The following MAP4 variants were observed in gnomAD, a reference collection of about 807,000 sequenced individuals.
The protein encoded by MAP4 is microtubule associated protein 4, also known as microtubule-associated protein 4.
MAP4 carries 76 observed loss-of-function variants against 170.2 expected under a neutral mutation model. The ratio of observed to expected loss-of-function variants is 0.45; its 90% CI spans 0.37 to 0.54. The LOEUF is 0.54. MAP4 is among the 20% of genes least tolerant of loss of function. The pLI, the probability that MAP4 is intolerant of heterozygous loss-of-function variation, is 0.00. For missense variants in MAP4, 2,506 were observed against 2,748.0 expected (o/e 0.91, Z 1.97); for synonymous variants, 909 against 994.5 (o/e 0.91, Z 1.62).
Position 47,916,713 on chromosome 3 carries a change from G to A in MAP4, c.1114C>T (p.Pro372Ser). 2 of 1,613,798 alleles carry A rather than the reference G, an allele frequency of 1.2e-6. No homozygotes were observed. Among genetic ancestry groups the A allele is most frequent in the Non-Finnish European group, 1.7e-6 (2 of 1,179,976 alleles). ...GTTTCTTTCTTGTTTTCTTTGGGTG[G>A]TCCCATGTCCTTGGAAGGGGCTAAG... The part of the protein sequence containing the change: ...MDLAPSKDMG[P>S]PKENKKETER... Residue 372 changes from proline to serine, a missense_variant, in exon 7 of 21, where the codon CCA becomes TCA. This residue lies in a region of MAP4 where 2,008 missense variants were observed against 2,206.0 expected (regional missense o/e 0.91). Transcript: ENST00000683076.
In MAP4 at chr3:47,916,415, T is replaced by C; in HGVS notation, c.1412A>G (p.Glu471Gly). ...TKDKALPLEA[E>G]VAPVKDMAQL... is the part of the protein sequence containing the mutation. ...AGCCATGTCCTTGACTGGGGCCACCTCTGCTTCTAAAGGTAGTGCTTTATC... is the reference window on the plus strand; with the variant it reads ...AGCCATGTCCTTGACTGGGGCCACCCCTGCTTCTAAAGGTAGTGCTTTATC... The change falls in exon 7 of 21, where the codon GAG becomes GGG. Residue 471 changes from glutamate to glycine, a missense_variant. By Grantham distance (98) the Glu-to-Gly change is moderately conservative (BLOSUM62 -2). Coordinates refer to ENST00000683076, the MANE Select transcript of MAP4 (RefSeq NM_001385682.1). 1 of 1,614,236 alleles carries C rather than the reference T, an allele frequency of 6.2e-7. No individual in the cohort carries two copies. Among genetic ancestry groups the C allele is most frequent in the Non-Finnish European group, 8.5e-7 (1 of 1,180,044 alleles).
At chr3:47,900,970 C>G (rs1239608885) in intron 10 of MAP4, among the ~76,000 whole-genome samples, 1 of 152,128 alleles carries the variant, frequency 6.6e-6, no homozygotes, top group Non-Finnish European at 1.5e-5. Context: ...TTCTTTTCCC[C>G]AATTTCATCT....
chr3:47,921,817 T>C lies in MAP4; in HGVS notation c.477A>G (p.Thr159=), dbSNP rs769362218. 1.9e-6 allele frequency: 3 copies of C among 1,612,472 alleles called. No homozygotes were observed. In the South Asian group the frequency reaches 3.3e-5, roughly 18 times the overall value. The change falls in exon 5 of 21, where the codon ACA becomes ACG. Residue 159 remains threonine, a synonymous_variant. Transcript: ENST00000683076. ...GTCCTGCAAATATTGAAGTATCAGC[T>C]GTCGCACTGGAGGGAAAGACCAAAT... ...LADLVFPSSA[T]ADTSIFAGQN...
At chr3:47,884,404 T>C (rs1360701775) in intron 10 of MAP4, among the ~76,000 whole-genome samples, 2 of 152,234 alleles carry the variant, frequency 1.3e-5, no homozygotes, top group African/African-American at 4.8e-5. Flanking sequence ...AATTCATAAT[T>C]GCTTGTTAAA....
chr3:47,910,520 G>A lies in MAP4; in HGVS notation c.3901C>T (p.Leu1301Phe), dbSNP rs1577437166. The A allele has an allele frequency of 6.5e-7, 1 of 1,536,024 alleles. No individual in the cohort carries two copies. Among genetic ancestry groups the A allele is most frequent in the Non-Finnish European group, 8.7e-7 (1 of 1,146,892 alleles). ...FQVNFVELGT[L>F]GENKISTVKA... ...ACTGTGCTTATCTTGTTTTCCCCAAGAGTCCCAAGCTCAACAAAATTAACC... is the reference window on the plus strand; with the variant it reads ...ACTGTGCTTATCTTGTTTTCCCCAAAAGTCCCAAGCTCAACAAAATTAACC... The change falls in exon 9 of 21, where the codon CTT becomes TTT. Residue 1301 changes from leucine to phenylalanine, a missense_variant. By Grantham distance (22) the Leu-to-Phe change is conservative. This residue lies in a region of MAP4 where 2,008 missense variants were observed against 2,206.0 expected (regional missense o/e 0.91). Coordinates refer to ENST00000683076, the MANE Select transcript of MAP4 (RefSeq NM_001385682.1).
At chr3:48,017,689 T>C (rs1359148634), upstream of MAP4, among the ~76,000 whole-genome samples, 3 of 152,150 alleles carry the variant, frequency 2.0e-5, no homozygotes, top group African/African-American at 4.8e-5. Context: ...TTATCTTCTC[T>C]CCCTCCTCAT....
intron 1 of MAP4, among the ~76,000 whole-genome samples, chr3:48,007,130 T>C (rs2100102778): frequency 6.6e-6 from 1 of 152,258 alleles, no homozygotes; most frequent in Non-Finnish European, 1.5e-5. Flanking sequence ...GACATTATGC[T>C]GACTGGATCC....
intron 1 of MAP4, among the ~76,000 whole-genome samples, chr3:48,062,698 A>T (rs764242734): frequency 2.0e-4 from 30 of 151,598 alleles, no homozygotes; most frequent in South Asian, 1.5e-3. Context: ...TGAGGCGGGC[A>T]GATCACCTGA....
At chr3:47,854,011 T>C (rs957788606) in intron 19 of MAP4, among the ~76,000 whole-genome samples, 1 of 152,150 alleles carries the variant, frequency 6.6e-6, no homozygotes, top group Non-Finnish European at 1.5e-5. Flanking sequence ...AGAGAACAGC[T>C]GCGAGAGGCC....
At chr3:47,883,060 C>T (rs1047976795) in intron 10 of MAP4, among the ~76,000 whole-genome samples, 1 of 152,114 alleles carries the variant, frequency 6.6e-6, no homozygotes, top group African/African-American at 2.4e-5. Flanking sequence ...ATCCACCCAC[C>T]TTGGTCTCCA....
At chr3:47,874,680 A>G (rs947377471) in intron 12 of MAP4, among the ~76,000 whole-genome samples, 1 of 152,048 alleles carries the variant, frequency 6.6e-6, no homozygotes, top group Non-Finnish European at 1.5e-5. Context: ...ATTCAAACCT[A>G]TTGTTTTCTA....
intron 3 of MAP4, among the ~76,000 whole-genome samples, chr3:47,941,859 C>G (rs1221917465): frequency 6.6e-6 from 1 of 151,262 alleles, no homozygotes; most frequent in East Asian, 1.9e-4. Context: ...AACTATACTT[C>G]TCAATAAAAA....
intron 1 of MAP4, among the ~76,000 whole-genome samples, chr3:48,049,251 T>C (rs1182838405): frequency 1.3e-5 from 2 of 152,224 alleles, no homozygotes; most frequent in African/African-American, 4.8e-5. Flanking sequence ...AGTTTTTAAG[T>C]GAACATAAAT....
chr3:48,062,307 C>G (rs1240976790), intron 1 of MAP4, among the ~76,000 whole-genome samples: 19 of 151,116 alleles, frequency 1.3e-4, no homozygotes, highest in Admixed American at 9.2e-4. Flanking sequence ...CAGCATGCTC[C>G]TTAAGAGTCA....
intron 9 of MAP4, among the ~76,000 whole-genome samples, chr3:47,905,743 C>T: frequency 6.6e-6 from 1 of 151,814 alleles, no homozygotes; most frequent in East Asian, 1.9e-4. Flanking sequence ...CCTGTAATCC[C>T]AGCACTTTGG....
chr3:48,064,410 C>G (rs777795695), intron 1 of MAP4, among the ~76,000 whole-genome samples: 4 of 152,088 alleles, frequency 2.6e-5, no homozygotes, highest in Non-Finnish European at 5.9e-5. Flanking sequence ...ATCTCCAACC[C>G]AATCAATCAG....
chr3:48,049,781 A>G (rs547405845), intron 1 of MAP4, among the ~76,000 whole-genome samples: 8 of 151,766 alleles, frequency 5.3e-5, no homozygotes, highest in Admixed American at 1.3e-4. Flanking sequence ...AAACACACAC[A>G]CAAAAAAATA....
chr3:47,902,450 T>C (rs1160718534), intron 10 of MAP4, among the ~76,000 whole-genome samples: 1 of 151,652 alleles, frequency 6.6e-6, no homozygotes, highest in South Asian at 2.1e-4. Flanking sequence ...CCGAGGTGGG[T>C]GGATCACGAG....
In MAP4 at chr3:47,909,587, C is replaced by G. The variant is rs1366108394; in HGVS notation, c.4834G>C (p.Glu1612Gln). Residue 1612 changes from glutamate to glutamine, a missense_variant, in exon 9 of 21, where the codon GAG becomes CAG. Around this residue, in one of 3 missense-constraint regions of MAP4, gnomAD observed 2,008 missense variants for 2,206.0 expected, o/e 0.91. Coordinates refer to ENST00000683076, the MANE Select transcript of MAP4 (RefSeq NM_001385682.1). Reference sequence around the variant, plus strand: ...ACTGCAACAGACCCTTCTTTAGTCTCTTTCTCTTCATTCACTGGATGTGCT... The same window carrying G: ...ACTGCAACAGACCCTTCTTTAGTCTGTTTCTCTTCATTCACTGGATGTGCT... ...FPAHPVNEEK[E>Q]TKEGSVAVQI... 6.2e-7 allele frequency: 1 copy of G among 1,613,040 alleles called. No homozygotes were observed. The highest frequency in any genetic ancestry group is 2.2e-5 in the East Asian group (1 of 44,880).
Sources: allele counts gnomAD v4.1 joint callset (sites outside exome capture counted in the v4.1 genomes callset), GRCh38; gene constraint gnomAD v4.1.1; regional missense constraint gnomAD v4.1.1; transcripts MANE v1.5; gene names NCBI Gene and HGNC (gene_info 2026-07-23, HGNC 2026-07-21).